The following GCC2 variants were observed in gnomAD, a reference collection of about 807,000 sequenced individuals.
The protein encoded by GCC2 is GRIP and coiled-coil domain-containing protein 2.
GCC2 carries 120 observed loss-of-function variants against 210.6 expected under a neutral mutation model. The observed-to-expected ratio is 0.57, with a 90% CI of 0.49 to 0.66. The LOEUF (loss-of-function observed/expected upper bound fraction) is 0.66. GCC2 is among the 30% of genes least tolerant of loss of function. GCC2 has a pLI of 0.00. For missense variants in GCC2, 1,868 were observed against 1,871.9 expected, an observed-to-expected ratio of 1.00 and a Z score of 0.04; for synonymous variants, 703 against 652.7, an observed-to-expected ratio of 1.08 and a Z score of -1.17.
intron 5 of GCC2, chr2:108,469,383 G>A (rs1272165971): frequency 1.2e-5 from 5 of 429,846 alleles, no homozygotes; most frequent in Non-Finnish European, 2.0e-5. Context: ...TTAGTTCTAC[G>A]GTATTCAGAG....
At position 108,485,858 on chromosome 2, in the gene GCC2, T is replaced by A; in HGVS notation, c.3742T>A (p.Ser1248Thr). Residue 1248 changes from serine to threonine, a missense_variant, in exon 15 of 23, where the codon TCT becomes ACT. Transcript: ENST00000309863. ...AACTGATCACTTAATACTTCAAGCATCTTTAAAAGGTGAGCTGGAGGCAAG... is the reference window on the plus strand; with the variant it reads ...AACTGATCACTTAATACTTCAAGCAACTTTAAAAGGTGAGCTGGAGGCAAG... ...AETDHLILQA[S>T]LKGELEASQQ... 6.3e-7 allele frequency: 1 copy of A among 1,592,644 alleles called. No individual in the cohort carries two copies. The highest frequency in any genetic ancestry group is 8.6e-7 in the Non-Finnish European group (1 of 1,167,976).
At chr2:108,459,282 C>G (rs1250884154) in intron 4 of GCC2, among the ~76,000 whole-genome samples, 2 of 152,046 alleles carry the variant, frequency 1.3e-5, no homozygotes, top group Non-Finnish European at 2.9e-5. Context: ...TCATGTATTT[C>G]TGTCACTTCC....
chr2:108,461,830 C>CTTTTTTTTTT (rs1313525353), intron 4 of GCC2, among the ~76,000 whole-genome samples: 8 of 124,078 alleles, frequency 6.4e-5, no homozygotes, highest in Non-Finnish European at 8.3e-5. Context: ...TTTTTTTTTT[C>CTTTTTTTTTT]TTTTTCTTTT....
At position 108,508,652 on chromosome 2, in the gene GCC2, T is replaced by C. The variant is rs1683328950; in HGVS notation, c.*1022T>C. 1 of 152,230 alleles carries C rather than the reference T, an allele frequency of 6.6e-6. No individual in the cohort carries two copies. The highest frequency in any genetic ancestry group is 6.6e-5 in the Admixed American group (1 of 15,176). The allele number at this position is 152,230 out of a possible 1,614,324, so 9.4% of individuals were successfully genotyped here. ...TGCTTTCAGTGTTTTTGGCAGATAG[T>C]GTTCCATAAGCTTTCCATCAGAAGG... On this transcript the variant is annotated 3_prime_UTR_variant, in exon 23 of 23. Transcript: ENST00000309863.
In GCC2 at chr2:108,487,421, T is replaced by A. The variant is rs190641062; in HGVS notation, c.3931-278T>A. On this transcript the variant is annotated intron_variant, in intron 16 of 22. Coordinates refer to ENST00000309863, the MANE Select transcript of GCC2 (RefSeq NM_181453.4). ...ATGTTGGAGGCAATGGATATCCTAATTACCCTGATTTGCTTATTAGACATT... is the reference window on the plus strand; with the variant it reads ...ATGTTGGAGGCAATGGATATCCTAAATACCCTGATTTGCTTATTAGACATT... Among the ~76,000 whole-genome samples, 5 of 152,278 alleles carry A rather than the reference T, an allele frequency of 3.3e-5. No individual in the cohort carries two copies. The East Asian group carries it at 9.7e-4, about 29-fold the overall frequency.
Position 108,471,485 on chromosome 2 carries a change from T to C in GCC2, c.2156T>C (p.Ile719Thr), listed in dbSNP as rs1681217417. The C allele has an allele frequency of 6.2e-7, 1 of 1,610,132 alleles. No individual in the cohort carries two copies. The highest frequency in any genetic ancestry group is 1.7e-5 in the Admixed American group (1 of 59,358). ...EVFLSQKEDVILKEHITQLEK... is the reference protein window; with the variant it reads ...EVFLSQKEDVTLKEHITQLEK... Reference sequence around the variant, plus strand: ...TTTTTGTCTCAAAAAGAAGATGTTATCCTTAAAGAACATATTACTCAATTA... The same window carrying C: ...TTTTTGTCTCAAAAAGAAGATGTTACCCTTAAAGAACATATTACTCAATTA... Residue 719 changes from isoleucine (I) to threonine (T), a missense_variant, in exon 6 of 23, where the codon ATC (isoleucine) becomes ACC (threonine). Physicochemically the swap from Ile to Thr is moderately conservative, Grantham distance 89 (BLOSUM62 -1). Transcript: ENST00000309863.
At chr2:108,449,609 C>G (rs763461312) in intron 1 of GCC2, 24 bp from the exon 2 acceptor site, 6 of 1,609,178 alleles carry the variant, frequency 3.7e-6, no homozygotes, top group Non-Finnish European at 3.4e-6. Context: ...TCTTCTGACA[C>G]CTGGGTTTGA....
rs564790501 is a variant in GCC2, at chr2:108,480,034, G to A, written c.3061-1663G>A. On this transcript the variant is annotated intron_variant, in intron 9 of 22. Coordinates refer to ENST00000309863, the MANE Select transcript of GCC2 (RefSeq NM_181453.4). ...ACGAAAAACCCCACCAGAGAAGCCT[G>A]CGGAGGTGAGCCAAGGACACAAGAG... Among the ~76,000 whole-genome samples the A allele has an allele frequency of 2.7e-5, 4 of 149,332 alleles. No homozygotes were observed. The East Asian group carries it at 7.8e-4, about 29-fold the overall frequency.
intron 4 of GCC2, among the ~76,000 whole-genome samples, chr2:108,467,437 A>G (rs528201627): frequency 1.3e-5 from 2 of 152,284 alleles, no homozygotes; most frequent in South Asian, 4.1e-4. Context: ...CAGTCATACC[A>G]TCTGAAAAAC....
rs143575824 is a variant in GCC2, at chr2:108,495,430, C to T, written c.4587C>T (p.Ala1529=). 178 of 1,594,476 alleles carry T rather than the reference C, an allele frequency of 1.1e-4. 2 individuals are homozygous for T. The African/African-American group carries it at 2.1e-3, about 19-fold the overall frequency. ...ETTDTESVSS[A]STYTQSLEQL... is the part of the protein sequence containing the mutation. ...CTGATACGGAGTCTGTGTCTTCCGCCAGCACATACACACAGTCTTTAGAGC... is the reference window on the plus strand; with the variant it reads ...CTGATACGGAGTCTGTGTCTTCCGCTAGCACATACACACAGTCTTTAGAGC... The change falls in exon 20 of 23, where the codon GCC becomes GCT. Residue 1529 remains alanine (A), a synonymous_variant. Transcript: ENST00000309863.
In GCC2 at chr2:108,475,487, T is replaced by A; in HGVS notation, c.2861-48T>A. 3 of 840,930 alleles carry A rather than the reference T, an allele frequency of 3.6e-6. No homozygotes were observed. In the South Asian group the frequency reaches 6.8e-5, roughly 19 times the overall value. The allele number at this position is 840,930 out of a possible 1,614,324, so 52.1% of individuals were successfully genotyped here. A position where few individuals can be genotyped will look rare whatever the true frequency, so the allele number is the denominator to read the frequency against. ...GGCTAAAATAAGCAAGTAATTTGAA[T>A]TTTTTCCTTTTGAGTTCGTATGTAA... On this transcript the variant is annotated intron_variant, in intron 7 of 22. Transcript: ENST00000309863.
intron 4 of GCC2, among the ~76,000 whole-genome samples, chr2:108,466,209 G>A (rs2577609): frequency 0.22 from 33,298 of 152,030 alleles, 4,012 homozygotes; most frequent in African/African-American, 0.31. Flanking sequence ...GTAGTTTGCA[G>A]ATATTTTCTC....
intron 21 of GCC2, 68 bp downstream of exon 21, chr2:108,497,177 C>T (rs1682687165): frequency 6.2e-7 from 1 of 1,609,096 alleles, no homozygotes; most frequent in South Asian, 1.1e-5. Flanking sequence ...CATACACATG[C>T]ACGATCTCAG....
Position 108,449,237 on chromosome 2 carries a change from G to T in GCC2, c.-38G>T. On this transcript the variant is annotated 5_prime_UTR_variant, in exon 1 of 23. Transcript: ENST00000309863. ...TGGCGCAAACAGAAGTGCAGCGGTG[G>T]CGGCGGCTGGTTGCGGGCCGGCGGC... 1 of 1,545,992 alleles carries T rather than the reference G, an allele frequency of 6.5e-7. No homozygotes were observed. The highest frequency in any genetic ancestry group is 8.8e-7 in the Non-Finnish European group (1 of 1,142,556).
chr2:108,463,247 G>A (rs1680702245), intron 4 of GCC2, among the ~76,000 whole-genome samples: 2 of 152,026 alleles, frequency 1.3e-5, no homozygotes, highest in Non-Finnish European at 2.9e-5. Context: ...TGTTCCTTTG[G>A]AGATGTCATA....
chr2:108,494,100 G>T (rs186502557), intron 19 of GCC2: 15 of 492,218 alleles, frequency 3.0e-5, no homozygotes, highest in Admixed American at 6.4e-5. Flanking sequence ...TAGACCAGGC[G>T]TGGTGTCTCA....
chr2:108,501,369 C>T (rs1435359462), intron 22 of GCC2, among the ~76,000 whole-genome samples: 2 of 152,080 alleles, frequency 1.3e-5, no homozygotes, highest in African/African-American at 4.8e-5. Flanking sequence ...GTCATTTATG[C>T]TATAGCAGTC....
intron 6 of GCC2, among the ~76,000 whole-genome samples, chr2:108,472,545 A>G (rs528981570): frequency 3.3e-5 from 5 of 151,758 alleles, no homozygotes; most frequent in African/African-American, 4.8e-5. Context: ...AAATCATTTA[A>G]TCTTCTCCTT....
rs554553015 is a variant in GCC2, at chr2:108,480,325, C to G, written c.3061-1372C>G. Among the ~76,000 whole-genome samples the G allele has an allele frequency of 1.5e-3, 221 of 152,260 alleles. No individual in the cohort carries two copies. The Middle Eastern group carries it at 0.031, about 21-fold the overall frequency. On this transcript the variant is annotated intron_variant, in intron 9 of 22. Coordinates refer to ENST00000309863, the MANE Select transcript of GCC2 (RefSeq NM_181453.4). ...CTTTTGGTGGGAGTGTAAATTAGTTCAGCCATTGTGGAAAACAGATTCCTC... is the reference window on the plus strand; with the variant it reads ...CTTTTGGTGGGAGTGTAAATTAGTTGAGCCATTGTGGAAAACAGATTCCTC...
Sources: allele counts gnomAD v4.1 joint callset (sites outside exome capture counted in the v4.1 genomes callset), GRCh38; gene constraint gnomAD v4.1.1; transcripts MANE v1.5; gene names NCBI Gene and HGNC (gene_info 2026-07-23, HGNC 2026-07-21).